Variants in TTC21B observed in about 807,000 individuals in gnomAD.
The protein encoded by TTC21B is tetratricopeptide repeat domain 21B.
In TTC21B, 127 loss-of-function variants were observed where a neutral mutation model predicts 175.1. The ratio of observed to expected loss-of-function variants is 0.73; its 90% confidence interval spans 0.63 to 0.84. The LOEUF (loss-of-function observed/expected upper bound fraction) is 0.84. Ranked by LOEUF, TTC21B falls within the 40% of genes least tolerant of loss-of-function variation. The pLI, the probability that TTC21B is intolerant of heterozygous loss-of-function variation, is 0.00. For synonymous variants in TTC21B, 524 were observed against 524.5 expected, an observed-to-expected ratio of 1.00 and a Z score of 0.01; for missense variants, 1,561 against 1,558.3, an observed-to-expected ratio of 1.00 and a Z score of -0.03.
rs1018345882 is a variant in TTC21B, at chr2:165,949,877, A to G, written c.22-153T>C. 6 of 665,500 alleles carry G rather than the reference A, an allele frequency of 9.0e-6. No homozygotes were observed. The African/African-American group carries it at 1.1e-4, about 12-fold the overall frequency. The allele number at this position is 665,500 out of a possible 1,614,324, so 41.2% of individuals were successfully genotyped here. On this transcript the variant is annotated intron_variant, in intron 1 of 28. Coordinates refer to ENST00000243344, the MANE Select transcript of TTC21B (RefSeq NM_024753.5). ...TTCTTAAAATACTATTAATGGCTAG[A>G]ACTCAATGCTAAGGATTGCAGAACT...
At chr2:165,917,941 C>A (rs1403560827) in intron 13 of TTC21B, among the ~76,000 whole-genome samples, 1 of 152,128 alleles carries the variant, frequency 6.6e-6, no homozygotes. Flanking sequence ...CCCTTTGACA[C>A]TACTCCTAAA....
rs1379924169 is a variant in TTC21B, at chr2:165,953,702, C to G, written c.4G>C (p.Asp2His). Residue 2 changes from aspartate to histidine, a missense_variant, in exon 1 of 29, where the codon GAC becomes CAC. Physicochemically the swap from Asp to His is moderately conservative, Grantham distance 81. Coordinates refer to ENST00000243344, the MANE Select transcript of TTC21B (RefSeq NM_024753.5). M[D>H]SQELKTLINY... ...CCGCTCACCTTCAATTCCTGCGAGT[C>G]CATGGCTGCCCCGAGGCCGGGCCGC... 1 of 1,484,156 alleles carries G rather than the reference C, an allele frequency of 6.7e-7. No homozygotes were observed. The highest frequency in any genetic ancestry group is 1.4e-5 in the African/African-American group (1 of 69,248). The allele number at this position is 1,484,156 out of a possible 1,614,324, so 91.9% of individuals were successfully genotyped here.
chr2:165,949,358 A>T (rs1187317569), intron 3 of TTC21B, 36 bp downstream of exon 3: 8 of 1,460,182 alleles, frequency 5.5e-6, no homozygotes, highest in Non-Finnish European at 4.8e-6. Flanking sequence ...ACTGAATAGG[A>T]AAAAATGTCC....
intron 19 of TTC21B, among the ~76,000 whole-genome samples, chr2:165,904,546 G>A (rs2105309330): frequency 6.6e-6 from 1 of 152,302 alleles, no homozygotes; most frequent in Admixed American, 6.5e-5. Context: ...ACTCTTCTGG[G>A]TACACAGGAA....
chr2:165,908,917 T>C (rs1301665632), intron 18 of TTC21B, among the ~76,000 whole-genome samples: 1 of 152,114 alleles, frequency 6.6e-6, no homozygotes, highest in African/African-American at 2.4e-5. Flanking sequence ...TAACACTTCA[T>C]ACAATAAATA....
intron 19 of TTC21B, among the ~76,000 whole-genome samples, chr2:165,906,011 G>C (rs1026364068): frequency 1.3e-5 from 2 of 152,024 alleles, no homozygotes; most frequent in African/African-American, 4.8e-5. Context: ...AAGTGTACTA[G>C]AAGTCAGTAT....
At chr2:165,930,732 G>GGTGTGT in intron 8 of TTC21B, among the ~76,000 whole-genome samples, 42 of 110,724 alleles carry the variant, frequency 3.8e-4, no homozygotes, top group East Asian at 1.5e-3. Flanking sequence ...TGGGTATGGG[G>GGTGTGT]GTGTGTGTGT....
At chr2:165,927,003 T>C (rs200239055) in intron 11 of TTC21B, among the ~76,000 whole-genome samples, 1,242 of 63,300 alleles carry the variant, frequency 0.02, 147 homozygotes, top group Non-Finnish European at 0.029. Flanking sequence ...TATATATATA[T>C]ATATATATAT....
chr2:165,937,771 C>CA (rs1687207557), intron 6 of TTC21B, among the ~76,000 whole-genome samples: 2 of 127,568 alleles, frequency 1.6e-5, no homozygotes, highest in Non-Finnish European at 3.3e-5. Flanking sequence ...TATATAGAAA[C>CA]CACACACACA....
At chr2:165,938,827 G>A (rs186120723) in intron 6 of TTC21B, among the ~76,000 whole-genome samples, 11 of 152,180 alleles carry the variant, frequency 7.2e-5, no homozygotes, top group Admixed American at 2.0e-4. Flanking sequence ...AGACTTTAAA[G>A]ATATAAACCA....
At chr2:165,941,267 G>T in intron 5 of TTC21B, 83 bp from the exon 6 acceptor site, 1 of 1,474,566 alleles carries the variant, frequency 6.8e-7, no homozygotes, top group African/African-American at 1.4e-5. Context: ...CAGAGTATGA[G>T]CGTTTAATAC....
intron 27 of TTC21B, 63 bp from the exon 28 acceptor site, chr2:165,876,295 C>A (rs1476656935): frequency 1.9e-6 from 2 of 1,033,286 alleles, no homozygotes; most frequent in Non-Finnish European, 3.1e-6. Context: ...CTTTTCCTTG[C>A]CTCCTCCTCT....
intron 11 of TTC21B, among the ~76,000 whole-genome samples, chr2:165,926,691 C>T (rs190095501): frequency 2.8e-4 from 42 of 152,124 alleles, no homozygotes; most frequent in Non-Finnish European, 4.7e-4. Context: ...CTGAGAAAGG[C>T]AGACCCACCC....
intron 6 of TTC21B, among the ~76,000 whole-genome samples, chr2:165,937,029 CAAT>C (rs1283169865): frequency 3.3e-5 from 5 of 151,952 alleles, no homozygotes; most frequent in Non-Finnish European, 7.4e-5. Context: ...ATAAATGCCA[CAAT>C]TTGGAAGCAA....
chr2:165,949,162 T>C (rs866847461), intron 3 of TTC21B: 27 of 524,988 alleles, frequency 5.1e-5, no homozygotes, highest in Middle Eastern at 1.0e-3. Flanking sequence ...AAAATCCCTA[T>C]GTACTAATGA....
chr2:165,930,732 G>GGTGTGTGTGTGTGTGTGT, intron 8 of TTC21B, among the ~76,000 whole-genome samples: 26 of 110,814 alleles, frequency 2.3e-4, no homozygotes, highest in Non-Finnish European at 3.9e-4. Flanking sequence ...TGGGTATGGG[G>GGTGTGTGTGTGTGTGTGT]GTGTGTGTGT....
intron 6 of TTC21B, among the ~76,000 whole-genome samples, chr2:165,938,484 C>T (rs1407512941): frequency 1.3e-5 from 2 of 152,078 alleles, no homozygotes; most frequent in East Asian, 3.9e-4. Context: ...AACAGTACCA[C>T]TCATGAAGTA....
chr2:165,878,102 T>C (rs1684727293), intron 27 of TTC21B, among the ~76,000 whole-genome samples: 1 of 152,156 alleles, frequency 6.6e-6, no homozygotes, highest in Admixed American at 6.5e-5. Context: ...TAGTATAATT[T>C]TAAAAATCAT....
At chr2:165,880,124 C>T (rs1033571015) in intron 27 of TTC21B, among the ~76,000 whole-genome samples, 13 of 152,088 alleles carry the variant, frequency 8.5e-5, no homozygotes, top group African/African-American at 3.1e-4. Flanking sequence ...TATTCTGATG[C>T]CACCTCTGTT....
Sources: gnomAD v4.1 joint callset for allele counts (sites outside exome capture counted in the v4.1 genomes callset) on GRCh38, gnomAD v4.1.1 for gene constraint, MANE v1.5 for transcripts, NCBI Gene and HGNC (gene_info 2026-07-23, HGNC 2026-07-21) for gene names.